Variants in ADCY2 observed in about 807,000 individuals in gnomAD.
The protein encoded by ADCY2 is adenylate cyclase type 2.
A neutral mutation model predicts 125.2 loss-of-function variants in ADCY2; 31 were observed. The observed-to-expected ratio is 0.25, with a 90% CI of 0.19 to 0.33. ADCY2 has a LOEUF of 0.33. Among genes scored for constraint, ADCY2 ranks in the 10% least tolerant of loss-of-function variants. The probability of loss-of-function intolerance (pLI) is 1.00; values close to 1 mark genes in which losing one functional copy is unlikely to be tolerated. For missense variants in ADCY2, 904 were observed against 1,418.2 expected (o/e 0.64, Z 5.82); for synonymous variants, 512 against 548.4 (o/e 0.93, Z 0.93).
At chr5:7,798,009 G>A (rs1744479247) in intron 20 of ADCY2, 1 of 152,380 alleles carries the variant, frequency 6.6e-6, no homozygotes, top group Admixed American at 6.5e-5. Context: ...GGGAGCTGTG[G>A]TTTGGGACAT....
At chr5:7,495,160 C>T (rs1743302204) in intron 2 of ADCY2, among the ~76,000 whole-genome samples, 1 of 152,204 alleles carries the variant, frequency 6.6e-6, no homozygotes, top group African/African-American at 2.4e-5. Context: ...TGTTTAGGTG[C>T]CTGCACATGT....
At chr5:7,472,399 A>G (rs1742374331) in intron 2 of ADCY2, among the ~76,000 whole-genome samples, 1 of 152,080 alleles carries the variant, frequency 6.6e-6, no homozygotes. Context: ...GAAATTATCC[A>G]TATGTTTATA....
chr5:7,713,453 C>A (rs931643098), intron 11 of ADCY2, among the ~76,000 whole-genome samples: 1 of 150,948 alleles, frequency 6.6e-6, no homozygotes, highest in Admixed American at 6.6e-5. Context: ...GAGATCGTGC[C>A]ACTACACTCT....
chr5:7,571,884 G>T (rs1736076539), intron 3 of ADCY2, among the ~76,000 whole-genome samples: 1 of 152,122 alleles, frequency 6.6e-6, no homozygotes, highest in South Asian at 2.1e-4. Context: ...GTGAGAACAT[G>T]CAGTATTCAG....
intron 23 of ADCY2, among the ~76,000 whole-genome samples, chr5:7,817,221 A>C (rs1032185288): frequency 6.6e-6 from 1 of 152,146 alleles, no homozygotes; most frequent in African/African-American, 2.4e-5. Context: ...CGGCACGCAC[A>C]GCCTTGAGCC....
intron 2 of ADCY2, among the ~76,000 whole-genome samples, chr5:7,449,974 CT>C (rs1384504235): frequency 6.6e-6 from 1 of 152,140 alleles, no homozygotes; most frequent in African/African-American, 2.4e-5. Flanking sequence ...TTAATACATG[CT>C]GTGTGTCTTT....
chr5:7,589,511 A>AAAAAGAAAGAAAG (rs1554022174), intron 3 of ADCY2, among the ~76,000 whole-genome samples: 1 of 110,368 alleles, frequency 9.1e-6, no homozygotes, highest in Non-Finnish European at 2.0e-5. Context: ...AGAAAGAAAG[A>AAAAAGAAAGAAAG]AAAGAAAAGA....
intron 2 of ADCY2, among the ~76,000 whole-genome samples, chr5:7,496,329 G>A (rs1299600151): frequency 2.0e-5 from 3 of 152,094 alleles, no homozygotes; most frequent in Non-Finnish European, 4.4e-5. Flanking sequence ...TAACATTGGA[G>A]GAATTATCAT....
intron 16 of ADCY2, among the ~76,000 whole-genome samples, chr5:7,763,479 A>G (rs1743297360): frequency 6.6e-6 from 1 of 152,196 alleles, no homozygotes; most frequent in Non-Finnish European, 1.5e-5. Flanking sequence ...AACATTAAGT[A>G]CATTTGCAAT....
At chr5:7,633,305 C>T (rs964946815) in intron 4 of ADCY2, among the ~76,000 whole-genome samples, 4 of 151,608 alleles carry the variant, frequency 2.6e-5, no homozygotes, top group Non-Finnish European at 4.4e-5. Context: ...GTGGTGGGCA[C>T]CTGGAATCCC....
rs544243341 is a variant in ADCY2, at chr5:7,634,322, G to T, written c.720+8006G>T. On this transcript the variant is annotated intron_variant, in intron 4 of 24. Coordinates refer to ENST00000338316, the MANE Select transcript of ADCY2 (RefSeq NM_020546.3). ...AAGGTTAGGACTCATGAACTTTAGG[G>T]TTTTGTAAATTGCATATGTGTTTTC... Among the ~76,000 whole-genome samples the T allele has an allele frequency of 7.2e-5, 11 of 152,302 alleles. No homozygotes were observed. In the South Asian group the frequency reaches 2.3e-3, roughly 32 times the overall value.
intron 1 of ADCY2, among the ~76,000 whole-genome samples, chr5:7,397,751 T>A (rs1389243694): frequency 6.6e-6 from 1 of 152,088 alleles, no homozygotes; most frequent in Non-Finnish European, 1.5e-5. Context: ...GTCTACTGAT[T>A]GAGTTCAATG....
At chr5:7,437,627 G>A (rs528749892) in intron 2 of ADCY2, among the ~76,000 whole-genome samples, 2 of 152,212 alleles carry the variant, frequency 1.3e-5, no homozygotes, top group Non-Finnish European at 2.9e-5. Flanking sequence ...ATAGGTACTC[G>A]GGAAATTTTA....
chr5:7,398,244 T>G (rs1739133782), intron 1 of ADCY2, among the ~76,000 whole-genome samples: 1 of 152,216 alleles, frequency 6.6e-6, no homozygotes, highest in African/African-American at 2.4e-5. Flanking sequence ...ATGCTTCCTC[T>G]GCACACACCA....
At chr5:7,714,477 A>G (rs1561183533) in intron 11 of ADCY2, among the ~76,000 whole-genome samples, 1 of 152,246 alleles carries the variant, frequency 6.6e-6, no homozygotes, top group Admixed American at 6.5e-5. Flanking sequence ...AGAAACTCTA[A>G]TTTGGTCTCT....
At chr5:7,657,814 C>T (rs1221649659) in intron 4 of ADCY2, among the ~76,000 whole-genome samples, 1 of 152,192 alleles carries the variant, frequency 6.6e-6, no homozygotes, top group East Asian at 1.9e-4. Flanking sequence ...CAGACCTTTA[C>T]TTTTCCCTCT....
At chr5:7,496,255 A>G (rs1743342506) in intron 2 of ADCY2, among the ~76,000 whole-genome samples, 3 of 152,228 alleles carry the variant, frequency 2.0e-5, no homozygotes, top group Admixed American at 6.5e-5. Flanking sequence ...TATACACTTT[A>G]TAAAATGTTT....
chr5:7,487,048 G>C (rs1742959360), intron 2 of ADCY2, among the ~76,000 whole-genome samples: 1 of 152,216 alleles, frequency 6.6e-6, no homozygotes, highest in Non-Finnish European at 1.5e-5. Context: ...CAAAGCATTA[G>C]TTCGAGTTCA....
chr5:7,574,967 A>G (rs1736199048), intron 3 of ADCY2, among the ~76,000 whole-genome samples: 1 of 152,238 alleles, frequency 6.6e-6, no homozygotes, highest in Non-Finnish European at 1.5e-5. Flanking sequence ...GAAAATTCTT[A>G]TAGTATTGTA....
Sources: allele counts gnomAD v4.1 joint callset (sites outside exome capture counted in the v4.1 genomes callset), GRCh38; gene constraint gnomAD v4.1.1; transcripts MANE v1.5; gene names NCBI Gene and HGNC (gene_info 2026-07-23, HGNC 2026-07-21).